Variants in SPTB observed in about 807,000 individuals in gnomAD.
SPTB encodes spectrin beta, erythrocytic, also known as spectrin beta chain, erythrocytic.
SPTB carries 45 observed loss-of-function variants against 256.2 expected under a neutral mutation model. The ratio of observed to expected loss-of-function variants is 0.18; its 90% CI spans 0.14 to 0.23. The LOEUF (loss-of-function observed/expected upper bound fraction) is 0.23, where lower values mean the gene tolerates loss of function less well. SPTB is among the 10% of genes least tolerant of loss of function. The probability of loss-of-function intolerance (pLI) is 1.00; values close to 1 mark genes in which losing one functional copy is unlikely to be tolerated. For missense variants in SPTB, 2,715 were observed against 3,040.4 expected (o/e 0.89, Z 2.52); for synonymous variants, 1,231 against 1,243.1 (o/e 0.99, Z 0.21).
chr14:64,794,685 C>T lies in SPTB; in HGVS notation c.1645-68G>A, dbSNP rs80024584. 3 of 1,594,488 alleles carry T rather than the reference C, an allele frequency of 1.9e-6. No homozygotes were observed. In the South Asian group the frequency reaches 3.3e-5, roughly 18 times the overall value. ...AGACCTACACATTAGGAGAAGAGAC[C>T]CCTGCAAAGGGCATGTCTCTAGTAA... On this transcript the variant is annotated intron_variant, in intron 12 of 35. Transcript: ENST00000644917.
rs1363174425 is a variant in SPTB at position 64,806,747 on chromosome 14, T to C, written c.149-1657A>G. Among the ~76,000 whole-genome samples, 1 of 152,180 alleles carries C rather than the reference T, an allele frequency of 6.6e-6. No homozygotes were observed. Among genetic ancestry groups the C allele is most frequent in the Admixed American group, 6.5e-5 (1 of 15,278 alleles). On this transcript the variant is annotated intron_variant, in intron 2 of 35. Transcript: ENST00000644917. This position sits in a 1 kb window ranked among gnomAD's most constrained non-coding sequence, Gnocchi z 4.1. ...ACTCAAGGACAAGACTGATGGTCCC[T>C]ATCCTTGAGGCAGACAGACTCTATT...
At chr14:64,867,568 G>A (rs926250226) in intron 1 of SPTB, among the ~76,000 whole-genome samples, 4 of 152,278 alleles carry the variant, frequency 2.6e-5, no homozygotes, top group African/African-American at 9.6e-5. Context: ...AGAGTTCATG[G>A]CTGTGCTGGG....
Position 64,801,842 on chromosome 14 carries a change from C to T in SPTB, c.567-8G>A. On this transcript the variant is annotated splice_region_variant and splice_polypyrimidine_tract_variant and intron_variant, in intron 5 of 35. Transcript: ENST00000644917. ...ACATTAACATGAGGGTAGCTGCATC[C>T]AAGAGAAACAGTAAGAGCTAAGAAT... 6.2e-7 allele frequency: 1 copy of T among 1,613,372 alleles called. No individual in the cohort carries two copies. Among genetic ancestry groups the T allele is most frequent in the Non-Finnish European group, 8.5e-7 (1 of 1,179,348 alleles).
chr14:64,763,644 G>T, intron 32 of SPTB: 1 of 492,152 alleles, frequency 2.0e-6, no homozygotes, highest in South Asian at 1.4e-5. Flanking sequence ...AAATCACGCA[G>T]GAAGTTACCA....
chr14:64,773,075 T>A, intron 25 of SPTB, 121 bp from the exon 26 acceptor site: 1 of 1,551,062 alleles, frequency 6.4e-7, no homozygotes, highest in South Asian at 1.1e-5. Context: ...TGTCACACCT[T>A]CCCCAGGGCA....
At chr14:64,843,031 C>G (rs570604607) in intron 1 of SPTB, among the ~76,000 whole-genome samples, 3 of 152,026 alleles carry the variant, frequency 2.0e-5, no homozygotes, top group Non-Finnish European at 2.9e-5. Flanking sequence ...CACCACTGCA[C>G]TCCAGCCTGG....
rs2082240721 is a variant in SPTB at position 64,769,236 on chromosome 14, C to T, written c.5938-118G>A. ...TGGTCCTACAGCCCTGGCTTCAAGT[C>T]TTGGCCCAGCTGCTTGCCAGCTGTG... On this transcript the variant is annotated intron_variant, in intron 28 of 35. Transcript: ENST00000644917. 3.0e-6 allele frequency: 3 copies of T among 1,002,440 alleles called. No homozygotes were observed. The South Asian group carries it at 3.9e-5, about 13-fold the overall frequency. 62.1% of individuals were successfully genotyped at this position (1,002,440 alleles called of 1,614,324 possible).
At chr14:64,765,008 CCA>C (rs2082144524) in intron 32 of SPTB, among the ~76,000 whole-genome samples, 1 of 126,850 alleles carries the variant, frequency 7.9e-6, no homozygotes. Flanking sequence ...AGGCTGGAGG[CCA>C]CAGAGGAGTG....
At chr14:64,822,765 G>A (rs983309503) in intron 2 of SPTB, among the ~76,000 whole-genome samples, 182 bp downstream of exon 2, 14 of 152,162 alleles carry the variant, frequency 9.2e-5, no homozygotes, top group African/African-American at 3.4e-4. Flanking sequence ...GGCCTTGGGG[G>A]CAGAGGCTGC....
chr14:64,833,550 CAAAA>C (rs11334742), intron 1 of SPTB, among the ~76,000 whole-genome samples: 2 of 130,104 alleles, frequency 1.5e-5, no homozygotes, highest in Admixed American at 7.9e-5. Context: ...GAGTCCATCT[CAAAA>C]AAAAAAAAAA....
At chr14:64,829,647 G>C (rs1262256892) in intron 1 of SPTB, among the ~76,000 whole-genome samples, 1 of 152,184 alleles carries the variant, frequency 6.6e-6, no homozygotes, top group East Asian at 1.9e-4. Flanking sequence ...TATTGACTTG[G>C]AGTGATCTAC....
chr14:64,802,186 C>G lies in SPTB; in HGVS notation c.566+40G>C. ...GGCAGTGCTTGTGCGGAGCAAGGGG[C>G]TGGTGGTGGATGTGCTAACAGCTGG... On this transcript the variant is annotated intron_variant, in intron 5 of 35. Transcript: ENST00000644917. This position sits in a 1 kb window ranked among gnomAD's most constrained non-coding sequence, Gnocchi z 5.1. The G allele has an allele frequency of 1.3e-6, 2 of 1,585,472 alleles. No homozygotes were observed. Among genetic ancestry groups the G allele is most frequent in the Non-Finnish European group, 1.7e-6 (2 of 1,153,948 alleles).
chr14:64,781,696 C>A (rs754010667), intron 20 of SPTB, among the ~76,000 whole-genome samples: 23 of 152,104 alleles, frequency 1.5e-4, no homozygotes, highest in Non-Finnish European at 2.4e-4. Flanking sequence ...ACTATTTGAC[C>A]CAGCAATCCC....
chr14:64,773,264 C>A lies in SPTB; in HGVS notation c.5134G>T (p.Val1712Leu). Reference sequence around the variant, plus strand: ...TGCCCCATTTCCGGGGAAGAGGCCACTAGCTCCTTTTCTGAAATCCACTGC... The same window carrying A: ...TGCCCCATTTCCGGGGAAGAGGCCAATAGCTCCTTTTCTGAAATCCACTGC... ...LEQWISEKEL[V>L]ASSPEMGQDF... Residue 1712 changes from valine (V) to leucine (L), a missense_variant, in exon 25 of 36, where the codon GTG (valine) becomes TTG (leucine). By Grantham distance (32) the Val-to-Leu change is conservative (BLOSUM62 1). Coordinates refer to ENST00000644917, the MANE Select transcript of SPTB (RefSeq NM_001355436.2). The A allele has an allele frequency of 6.2e-7, 1 of 1,614,232 alleles. No individual in the cohort carries two copies.
At chr14:64,878,230 T>G (rs1054559667) in intron 1 of SPTB, among the ~76,000 whole-genome samples, 1 of 152,206 alleles carries the variant, frequency 6.6e-6, no homozygotes, top group African/African-American at 2.4e-5. Context: ...AAATTCTTTA[T>G]AAATGACCCA....
intron 29 of SPTB, among the ~76,000 whole-genome samples, chr14:64,768,692 C>A (rs1566743104): frequency 7.2e-6 from 1 of 139,418 alleles, no homozygotes; most frequent in Non-Finnish European, 1.6e-5. Context: ...CAACCCCTCC[C>A]CCAGGCCCCC....
chr14:64,847,931 C>T lies in SPTB; in HGVS notation c.-51-24786G>A, dbSNP rs549543035. ...TCCACTGTCCGTGGCCAGGTGATCG[C>T]ATGCATCCTTCACCTGTGAATGCCT... On this transcript the variant is annotated intron_variant, in intron 1 of 35. Coordinates refer to ENST00000644917, the MANE Select transcript of SPTB (RefSeq NM_001355436.2). This position sits in a 1 kb window ranked among gnomAD's most constrained non-coding sequence, Gnocchi z 5.9. Among the ~76,000 whole-genome samples, 2 of 152,310 alleles carry T rather than the reference C, an allele frequency of 1.3e-5. No homozygotes were observed. Among genetic ancestry groups the T allele is most frequent in the Admixed American group, 1.3e-4 (2 of 15,304 alleles).
At position 64,767,740 on chromosome 14, in the gene SPTB, T is replaced by A; in HGVS notation, c.6142A>T (p.Ile2048Phe). ...GHTVDSVEKL[I>F]KRHEAFEKST... ...TTCTCAAAAGCCTCATGCCTCTTGA[T>A]GAGCTTCTCCACACTGTCCACTGTG... Residue 2048 changes from isoleucine to phenylalanine, a missense_variant, in exon 30 of 36, where the codon ATC becomes TTC. By Grantham distance (21) the Ile-to-Phe change is conservative. Around this residue, in one of 4 missense-constraint regions of SPTB, gnomAD observed 2,239 missense variants for 2,384.4 expected, o/e 0.94. Coordinates refer to ENST00000644917, the MANE Select transcript of SPTB (RefSeq NM_001355436.2). 6.2e-7 allele frequency: 1 copy of A among 1,614,070 alleles called. No individual in the cohort carries two copies. Among genetic ancestry groups the A allele is most frequent in the Non-Finnish European group, 8.5e-7 (1 of 1,179,908 alleles).
At position 64,847,928 on chromosome 14, in the gene SPTB, T is replaced by A. The variant is rs1254603250; in HGVS notation, c.-51-24783A>T. ...TCCTCCACTGTCCGTGGCCAGGTGATCGCATGCATCCTTCACCTGTGAATG... is the reference window on the plus strand; with the variant it reads ...TCCTCCACTGTCCGTGGCCAGGTGAACGCATGCATCCTTCACCTGTGAATG... On this transcript the variant is annotated intron_variant, in intron 1 of 35. Coordinates refer to ENST00000644917, the MANE Select transcript of SPTB (RefSeq NM_001355436.2). This position sits in a 1 kb window ranked among gnomAD's most constrained non-coding sequence, Gnocchi z 5.9. Among the ~76,000 whole-genome samples the A allele has an allele frequency of 6.6e-6, 1 of 152,176 alleles. No individual in the cohort carries two copies. The highest frequency in any genetic ancestry group is 2.4e-5 in the African/African-American group (1 of 41,436).
Sources: allele counts gnomAD v4.1 joint callset (sites outside exome capture counted in the v4.1 genomes callset), GRCh38; gene constraint gnomAD v4.1.1; regional missense constraint gnomAD v4.1.1; non-coding constraint Gnocchi (gnomAD v3.1); transcripts MANE v1.5; gene names NCBI Gene and HGNC (gene_info 2026-07-23, HGNC 2026-07-21).